GALNT6: variants seen among roughly 807,000 people sequenced by gnomAD.
The protein encoded by GALNT6 is GalNAc transferase 6.
GALNT6 carries 51 observed loss-of-function variants against 65.9 expected under a neutral mutation model. That is an observed-to-expected ratio of 0.77 (90% confidence interval 0.62 to 0.98). GALNT6 has a LOEUF of 0.98. GALNT6 is among the 50% of genes least tolerant of loss of function. GALNT6 has a pLI of 0.00. For missense variants in GALNT6, 708 were observed against 803.3 expected, an observed-to-expected ratio of 0.88 and a Z score of 1.43; for synonymous variants, 323 against 315.1, an observed-to-expected ratio of 1.02 and a Z score of -0.26.
At position 51,358,251 on chromosome 12, in the gene GALNT6, C is replaced by A; in HGVS notation, c.1379G>T (p.Gly460Val). Residue 460 changes from glycine (G) to valine (V), a missense_variant, in exon 9 of 12, where the codon GGT becomes GTT. Gly to Val is a moderately radical substitution (Grantham distance 109). Coordinates refer to ENST00000356317, the MANE Select transcript of GALNT6 (RefSeq NM_007210.4). Reference protein sequence around the residue: ...AAKMAQEKSFGDISERLQLRE... With the variant: ...AAKMAQEKSFVDISERLQLRE... Reference sequence around the variant, plus strand: ...CAGCTGCAGTCGTTCCGAAATGTCACCGAAGGATTTCTGTCAATCAAGCCA... The same window carrying A: ...CAGCTGCAGTCGTTCCGAAATGTCAACGAAGGATTTCTGTCAATCAAGCCA... 3.1e-6 allele frequency: 5 copies of A among 1,613,660 alleles called. No individual in the cohort carries two copies. The highest frequency in any genetic ancestry group is 4.2e-6 in the Non-Finnish European group (5 of 1,179,852).
chr12:51,355,972 C>G lies in GALNT6; in HGVS notation c.1603-14G>C. 10 of 1,611,212 alleles carry G rather than the reference C, an allele frequency of 6.2e-6. No individual in the cohort carries two copies. Among genetic ancestry groups the G allele is most frequent in the Non-Finnish European group, 8.5e-6 (10 of 1,178,102 alleles). Reference sequence around the variant, plus strand: ...GTACTCAAAGTACTGGAAATCAAGACAAGAGAAGCAGGTGGAGAGTTCACC... The same window carrying G: ...GTACTCAAAGTACTGGAAATCAAGAGAAGAGAAGCAGGTGGAGAGTTCACC... On this transcript the variant is annotated splice_polypyrimidine_tract_variant and intron_variant, in intron 10 of 11. Transcript: ENST00000356317.
At chr12:51,365,405 C>G (rs368887654) in intron 5 of GALNT6, 25 bp downstream of exon 5, 449 of 1,595,064 alleles carry the variant, frequency 2.8e-4, no homozygotes, top group Non-Finnish European at 3.5e-4. Flanking sequence ...CCAGGTTACA[C>G]CCAGGCCGGT....
At chr12:51,390,121 T>C (rs532983714) in intron 2 of GALNT6, among the ~76,000 whole-genome samples, 1 of 150,736 alleles carries the variant, frequency 6.6e-6, no homozygotes, top group Non-Finnish European at 1.5e-5. Context: ...TGCTAGGCAA[T>C]TGGAATCAAA....
intron 4 of GALNT6, among the ~76,000 whole-genome samples, chr12:51,367,130 G>A (rs1218755651): frequency 6.6e-6 from 1 of 152,204 alleles, no homozygotes; most frequent in Non-Finnish European, 1.5e-5. Context: ...GGGCACGCAT[G>A]CTTGTAATCC....
chr12:51,389,773 A>G (rs1362715027), intron 2 of GALNT6, among the ~76,000 whole-genome samples: 1 of 152,124 alleles, frequency 6.6e-6, no homozygotes, highest in Non-Finnish European at 1.5e-5. Flanking sequence ...TCCTGTCCCC[A>G]CTTCTTCCAG....
At chr12:51,380,767 G>A (rs1269172324) in intron 2 of GALNT6, among the ~76,000 whole-genome samples, 1 of 152,024 alleles carries the variant, frequency 6.6e-6, no homozygotes, top group Non-Finnish European at 1.5e-5. Flanking sequence ...CTCCAGCCTG[G>A]GCAACAGAGC....
At position 51,360,769 on chromosome 12, in the gene GALNT6, A is replaced by G; in HGVS notation, c.1119T>C (p.Asp373=). 1 of 1,613,612 alleles carries G rather than the reference A, an allele frequency of 6.2e-7. No homozygotes were observed. The highest frequency in any genetic ancestry group is 8.5e-7 in the Non-Finnish European group (1 of 1,179,578). ...CCCCTCCCCAGATCTCCATCTGATT[A>G]TCATAGGTACCGATGTGCTCAAAGT... ...KSYFEHIGTY[D]NQMEIWGGEN... The change falls in exon 7 of 12, where the codon GAT becomes GAC. Residue 373 remains aspartate, a synonymous_variant. Transcript: ENST00000356317.
At chr12:51,391,578 C>G (rs1291727801), upstream of GALNT6, 1 of 152,370 alleles carries the variant, frequency 6.6e-6, no homozygotes, top group Non-Finnish European at 1.5e-5. Context: ...GGGAGAGGGT[C>G]GCGGGCTCCT....
chr12:51,379,523 G>C lies in GALNT6; in HGVS notation c.259C>G (p.Gln87Glu), dbSNP rs1404612322. The change falls in exon 3 of 12, where the codon CAG (glutamine) becomes GAG (glutamate). Residue 87 changes from glutamine to glutamate, a missense_variant. Physicochemically the swap from Gln to Glu is conservative, Grantham distance 29. Transcript: ENST00000356317. ...GTATAGAACCCAGGGAGGCAGGACT[G>C]GTTTATGGAGAACAGAGTCTGCTGG... ...EAQQTLFSIN[Q>E]SCLPGFYTPA... 1.2e-6 allele frequency: 2 copies of C among 1,614,186 alleles called. No homozygotes were observed. The highest frequency in any genetic ancestry group is 1.7e-6 in the Non-Finnish European group (2 of 1,180,034).
chr12:51,364,269 T>A lies in GALNT6; in HGVS notation c.901A>T (p.Ile301Phe), dbSNP rs139003973. ...GCGAACTCAAAAGTATTAAGGTCGA[T>A]GGTGACGATGTCTGGGCTCACCACC... ...TVVVSPDIVTIDLNTFEFAKP... is the reference protein window; with the variant it reads ...TVVVSPDIVTFDLNTFEFAKP... Residue 301 changes from isoleucine (I) to phenylalanine (F), a missense_variant, in exon 6 of 12, where the codon ATC becomes TTC. Ile to Phe is a conservative substitution (Grantham distance 21). Coordinates refer to ENST00000356317, the MANE Select transcript of GALNT6 (RefSeq NM_007210.4). 12 of 1,614,022 alleles carry A rather than the reference T, an allele frequency of 7.4e-6. No homozygotes were observed. The highest frequency in any genetic ancestry group is 1.0e-5 in the Non-Finnish European group (12 of 1,180,014).
chr12:51,386,918 AT>A (rs1354429687), intron 2 of GALNT6, among the ~76,000 whole-genome samples: 5 of 152,092 alleles, frequency 3.3e-5, no homozygotes, highest in Non-Finnish European at 7.4e-5. Context: ...GACCCTTTTG[AT>A]CACAGAATGT....
chr12:51,369,488 C>T (rs1333767004), intron 4 of GALNT6, among the ~76,000 whole-genome samples: 6 of 152,172 alleles, frequency 3.9e-5, no homozygotes, highest in South Asian at 4.1e-4. Context: ...TTAGGTTCAA[C>T]ACCCCACCAC....
chr12:51,359,229 A>G lies in GALNT6; in HGVS notation c.1271T>C (p.Ile424Thr), dbSNP rs1946844810. The G allele has an allele frequency of 6.2e-7, 1 of 1,613,962 alleles. No homozygotes were observed. Among genetic ancestry groups the G allele is most frequent in the Admixed American group, 1.7e-5 (1 of 60,002 alleles). ...TGCCAGGCGCACTTGATTGCGAGCA[A>G]TGACACTAGTGCCCTTGGGGAAGGT... The part of the protein sequence containing the change: ...PHTFPKGTSV[I>T]ARNQVRLAEV... The change falls in exon 8 of 12, where the codon ATT (isoleucine) becomes ACT (threonine). Residue 424 changes from isoleucine to threonine, a missense_variant. Coordinates refer to ENST00000356317, the MANE Select transcript of GALNT6 (RefSeq NM_007210.4).
At chr12:51,379,178 T>G in intron 3 of GALNT6, 113 bp downstream of exon 3, 1 of 1,052,924 alleles carries the variant, frequency 9.5e-7, no homozygotes, top group Non-Finnish European at 1.3e-6. Context: ...CTTGCCCATA[T>G]TATAAAATTC....
At chr12:51,381,492 C>T (rs3759177) in intron 2 of GALNT6, among the ~76,000 whole-genome samples, 83,989 of 152,022 alleles carry the variant, frequency 0.55, 24,367 homozygotes, top group Middle Eastern at 0.68. Flanking sequence ...GCACAAATTC[C>T]AGTTCTTCCT....
intron 4 of GALNT6, among the ~76,000 whole-genome samples, chr12:51,366,888 G>A (rs1947124266): frequency 6.6e-6 from 1 of 152,206 alleles, no homozygotes; most frequent in African/African-American, 2.4e-5. Context: ...AGCACTTTGG[G>A]AGGCCAAGGC....
intron 10 of GALNT6, among the ~76,000 whole-genome samples, chr12:51,356,667 T>G (rs1002344259): frequency 1.1e-4 from 16 of 152,200 alleles, no homozygotes; most frequent in Non-Finnish European, 4.4e-5. Flanking sequence ...CCTAATCATA[T>G]TTCCTTTAAA....
At chr12:51,381,359 G>C (rs561333496) in intron 2 of GALNT6, among the ~76,000 whole-genome samples, 29 of 152,306 alleles carry the variant, frequency 1.9e-4, no homozygotes, top group African/African-American at 7.0e-4. Context: ...CGTTCACCAG[G>C]CTCCACCCCC....
In GALNT6 at chr12:51,357,465, G is replaced by A; in HGVS notation, c.1501-15C>T. 1.9e-6 allele frequency: 3 copies of A among 1,588,186 alleles called. No homozygotes were observed. Among genetic ancestry groups the A allele is most frequent in the Non-Finnish European group, 1.7e-6 (2 of 1,156,400 alleles). ...AGGTTCTTGATCTGCAGAAGGGTGA[G>A]CAGAGAGGGGAAGCAGGATGGCACA... On this transcript the variant is annotated splice_polypyrimidine_tract_variant and intron_variant, in intron 9 of 11. Transcript: ENST00000356317.
Sources: gnomAD v4.1 joint callset for allele counts (sites outside exome capture counted in the v4.1 genomes callset) on GRCh38, gnomAD v4.1.1 for gene constraint, MANE v1.5 for transcripts, NCBI Gene and HGNC (gene_info 2026-07-23, HGNC 2026-07-21) for gene names.